Variants in MKNK1 observed in about 807,000 individuals in gnomAD.
The protein encoded by MKNK1 is MAP kinase-interacting serine/threonine-protein kinase 1.
Under a neutral mutation model 49.3 loss-of-function variants are expected in MKNK1, and 30 were observed. That is an observed-to-expected ratio of 0.61 (90% CI 0.46 to 0.83). MKNK1 has a LOEUF of 0.83. Among genes scored for constraint, MKNK1 ranks in the 40% least tolerant of loss-of-function variants. The pLI is 0.00. For missense variants in MKNK1, 423 were observed against 524.7 expected, an observed-to-expected ratio of 0.81 and a Z score of 1.89; for synonymous variants, 176 against 201.7, an observed-to-expected ratio of 0.87 and a Z score of 1.08.
chr1:46,581,541 G>A (rs1671749468), intron 3 of MKNK1, among the ~76,000 whole-genome samples: 1 of 147,508 alleles, frequency 6.8e-6, no homozygotes, highest in African/African-American at 2.5e-5. Context: ...AAAAAAAATT[G>A]GTCAGAGAAT....
rs773110718 is a variant in MKNK1, at chr1:46,561,490, T to C, written c.957A>G (p.Pro319=). The part of the protein sequence containing the change: ...RLSAAQVLQH[P]WVQGQAPEKG... The stretch of plus-strand genomic sequence containing the variant: ...TGGAGTCACTCACCCCCTGCACCCA[T>C]GGGTGCTGCAGAACTTGGGCGGCGC... The change falls in exon 11 of 13, where the codon CCA becomes CCG. Residue 319 remains proline (P), a synonymous_variant. Transcript: ENST00000371945. 3.1e-6 allele frequency: 5 copies of C among 1,613,092 alleles called. No homozygotes were observed. The highest frequency in any genetic ancestry group is 3.4e-6 in the Non-Finnish European group (4 of 1,179,342).
chr1:46,575,800 T>G (rs1670868422), intron 5 of MKNK1: 1 of 152,174 alleles, frequency 6.6e-6, no homozygotes, highest in South Asian at 2.1e-4. Context: ...AAATGCTGAC[T>G]ACTTTGGGAG....
At chr1:46,564,970 G>A in intron 9 of MKNK1, 71 bp downstream of exon 9, 2 of 1,454,934 alleles carry the variant, frequency 1.4e-6, no homozygotes, top group Non-Finnish European at 1.9e-6. Context: ...TTAACCCTCT[G>A]TTCTGGACCT....
chr1:46,563,945 T>TGAGGCAGGAGGATGGCATGAACCCAG (rs370959007), intron 9 of MKNK1, among the ~76,000 whole-genome samples: 39,779 of 141,122 alleles, frequency 0.28, 5,638 homozygotes, highest in Admixed American at 0.37. Flanking sequence ...CTCGGGAGGC[T>TGAGGCAGGAGGATGGCATGAACCCAG]GAGGCAGGAG....
At position 46,562,856 on chromosome 1, in the gene MKNK1, G is replaced by A; in HGVS notation, c.610-13C>T. 1 of 1,596,798 alleles carries A rather than the reference G, an allele frequency of 6.3e-7. No individual in the cohort carries two copies. The stretch of plus-strand genomic sequence containing the variant: ...CTGCAGAGCCACACTGTGGGGGCCA[G>A]GGTTGGGGGAGGGGGAGATGGCAGA... On this transcript the variant is annotated splice_polypyrimidine_tract_variant and intron_variant, in intron 9 of 12. Transcript: ENST00000371945.
intron 12 of MKNK1, 68 bp from the exon 13 acceptor site, chr1:46,558,868 A>G: frequency 7.3e-7 from 1 of 1,367,190 alleles, no homozygotes; most frequent in East Asian, 2.3e-5. Context: ...CAGCTCCGGG[A>G]CACTCCCACT....
At chr1:46,583,843 T>C (rs1672110537) in intron 2 of MKNK1, among the ~76,000 whole-genome samples, 1 of 151,550 alleles carries the variant, frequency 6.6e-6, no homozygotes, top group Non-Finnish European at 1.5e-5. Context: ...TCTGTGAAGG[T>C]AGCAATAGGG....
chr1:46,568,602 C>T, intron 7 of MKNK1, 104 bp from the exon 8 acceptor site: 1 of 1,106,178 alleles, frequency 9.0e-7, no homozygotes, highest in South Asian at 1.3e-5. Context: ...CAGATTAATT[C>T]CCAATTATGG....
chr1:46,583,604 G>T (rs56089465), intron 2 of MKNK1, among the ~76,000 whole-genome samples: 6,302 of 152,192 alleles, frequency 0.041, 164 homozygotes, highest in African/African-American at 0.079. Context: ...GCTCATTAGC[G>T]CGTGGATTTA....
rs543875699 is a variant in MKNK1, at chr1:46,582,785, A to G, written c.100+443T>C. 1.1e-5 allele frequency: 5 copies of G among 443,342 alleles called. No individual in the cohort carries two copies. The East Asian group carries it at 3.5e-4, about 31-fold the overall frequency. The allele number at this position is 443,342 out of a possible 1,614,324, so 27.5% of individuals were successfully genotyped here. A position where few individuals can be genotyped will look rare whatever the true frequency, so the allele number is the denominator to read the frequency against. On this transcript the variant is annotated intron_variant, in intron 3 of 12. Coordinates refer to ENST00000371945, the MANE Select transcript of MKNK1 (RefSeq NM_001135553.4). ...TCAAACACACACAGCATAAGTAGCTACAATCTGAGAGACAAATTCTCTGCT... is the reference window on the plus strand; with the variant it reads ...TCAAACACACACAGCATAAGTAGCTGCAATCTGAGAGACAAATTCTCTGCT...
intron 10 of MKNK1, among the ~76,000 whole-genome samples, chr1:46,561,926 T>G (rs1251854973): frequency 1.1e-4 from 17 of 152,210 alleles, no homozygotes; most frequent in Admixed American, 1.1e-3. Flanking sequence ...TCCTTGGCTC[T>G]TCCTAGAGGA....
In MKNK1 at chr1:46,562,674, C is replaced by T. The variant is rs771650108; in HGVS notation, c.779G>A (p.Arg260Gln). ...CTGGCACACCCTGCAGACCTCGCCC[C>T]GGTCCCAGCCACAGTCGGCCCCGCA... Reference protein sequence around the residue: ...GHCGADCGWDRGEVCRVCQNK... With the variant: ...GHCGADCGWDQGEVCRVCQNK... The change falls in exon 10 of 13, where the codon CGG (arginine) becomes CAG (glutamine). Residue 260 changes from arginine to glutamine, a missense_variant. Transcript: ENST00000371945. The T allele has an allele frequency of 1.1e-5, 17 of 1,558,308 alleles. No homozygotes were observed. The Admixed American group carries it at 1.2e-4, about 11-fold the overall frequency.
chr1:46,576,094 G>A (rs1057015954), intron 5 of MKNK1: 1 of 156,386 alleles, frequency 6.4e-6, no homozygotes. Flanking sequence ...ATGAACTGGG[G>A]CTAGAGATGA....
intron 10 of MKNK1, 156 bp from the exon 11 acceptor site, chr1:46,561,798 C>T (rs548420389): frequency 3.5e-5 from 26 of 735,632 alleles, no homozygotes; most frequent in African/African-American, 5.3e-5. Flanking sequence ...AGACTCACCC[C>T]GCACTGTCCC....
chr1:46,569,988 T>G (rs773759076), intron 7 of MKNK1: 1 of 152,252 alleles, frequency 6.6e-6, no homozygotes, highest in Non-Finnish European at 1.5e-5. Flanking sequence ...GAGGTTGAGC[T>G]GCAGTGTGTC....
intron 8 of MKNK1, chr1:46,568,185 G>C: frequency 2.3e-6 from 1 of 434,744 alleles, no homozygotes; most frequent in Admixed American, 4.2e-5. Flanking sequence ...CATTGGACTA[G>C]AAAATATTAA....
At chr1:46,587,635 T>C (rs1436366982) in intron 2 of MKNK1, among the ~76,000 whole-genome samples, 3 of 152,014 alleles carry the variant, frequency 2.0e-5, no homozygotes, top group Admixed American at 6.6e-5. Flanking sequence ...CTGACCAACA[T>C]GGAGAAACCT....
chr1:46,559,934 G>A, intron 12 of MKNK1: 1 of 506,374 alleles, frequency 2.0e-6, no homozygotes, highest in Non-Finnish European at 3.6e-6. Flanking sequence ...TAACCCATGG[G>A]TAAGGTCTGT....
chr1:46,599,060 A>T (rs1674416242), intron 1 of MKNK1, among the ~76,000 whole-genome samples: 2 of 152,194 alleles, frequency 1.3e-5, no homozygotes. Flanking sequence ...GCACCCAATA[A>T]CTAGTAACTG....
Sources: allele counts gnomAD v4.1 joint callset (sites outside exome capture counted in the v4.1 genomes callset), GRCh38; gene constraint gnomAD v4.1.1; transcripts MANE v1.5; gene names NCBI Gene and HGNC (gene_info 2026-07-23, HGNC 2026-07-21).